Variants in NRG1 observed in about 807,000 individuals in gnomAD.
The protein encoded by NRG1 is neuregulin 1, also known as pro-neuregulin-1, membrane-bound isoform.
In NRG1, 18 loss-of-function variants were observed where a neutral mutation model predicts 63.8. The ratio of observed to expected loss-of-function variants is 0.28; its 90% CI spans 0.19 to 0.42. NRG1 has a LOEUF of 0.42. Ranked by LOEUF, NRG1 falls within the 10% of genes least tolerant of loss-of-function variation. NRG1 has a pLI of 1.00. For synonymous variants in NRG1, 302 were observed against 301.3 expected, an observed-to-expected ratio of 1.00 and a Z score of -0.02; for missense variants, 762 against 814.7, an observed-to-expected ratio of 0.94 and a Z score of 0.79.
intron 1 of NRG1, among the ~76,000 whole-genome samples, chr8:32,553,220 T>A (rs1834482179): frequency 6.6e-6 from 1 of 152,158 alleles, no homozygotes; most frequent in Non-Finnish European, 1.5e-5. Flanking sequence ...GAGGGTTTCA[T>A]GAAGCTTAAA....
intron 1 of NRG1, among the ~76,000 whole-genome samples, chr8:32,194,297 T>C (rs1352795166): frequency 6.6e-6 from 1 of 152,174 alleles, no homozygotes; most frequent in Non-Finnish European, 1.5e-5. Context: ...CCACACATCA[T>C]CTGAACCGCG....
intron 1 of NRG1, among the ~76,000 whole-genome samples, chr8:32,235,714 A>G (rs1847477728): frequency 6.6e-6 from 1 of 152,132 alleles, no homozygotes; most frequent in Non-Finnish European, 1.5e-5. Flanking sequence ...GGTCACTCAG[A>G]TTTCGGTGCA....
chr8:31,948,890 C>G (rs1236609053), intron 1 of NRG1, among the ~76,000 whole-genome samples: 4 of 152,258 alleles, frequency 2.6e-5, no homozygotes, highest in Admixed American at 2.0e-4. Flanking sequence ...GACTTGGCCT[C>G]TCCTGGTTAA....
chr8:32,425,387 C>T (rs1817232372), intron 1 of NRG1, among the ~76,000 whole-genome samples: 1 of 152,052 alleles, frequency 6.6e-6, no homozygotes, highest in African/African-American at 2.4e-5. Context: ...AATGTGAAGA[C>T]CATCTGTAAG....
intron 1 of NRG1, among the ~76,000 whole-genome samples, chr8:31,867,094 CT>C (rs1181082114): frequency 2.0e-5 from 3 of 152,134 alleles, no homozygotes; most frequent in Non-Finnish European, 2.9e-5. Flanking sequence ...TTTACCTCTT[CT>C]TTTTTTCCTC....
chr8:31,972,667 C>T (rs1230193598), intron 1 of NRG1, among the ~76,000 whole-genome samples: 2 of 152,122 alleles, frequency 1.3e-5, no homozygotes, highest in Non-Finnish European at 2.9e-5. Context: ...TTTACAAACC[C>T]CTGGAGCAGG....
intron 5 of NRG1, among the ~76,000 whole-genome samples, chr8:32,656,847 T>C (rs988934421): frequency 2.5e-5 from 3 of 119,860 alleles, no homozygotes; most frequent in African/African-American, 9.5e-5. Flanking sequence ...AATGGAAAGC[T>C]TCCTCAGGTA....
chr8:32,449,813 TC>T (rs1346730291), intron 1 of NRG1, among the ~76,000 whole-genome samples: 2 of 152,216 alleles, frequency 1.3e-5, no homozygotes, highest in Non-Finnish European at 2.9e-5. Flanking sequence ...ATGCATATAT[TC>T]AGCTAAATCT....
intron 1 of NRG1, among the ~76,000 whole-genome samples, chr8:32,129,593 G>A (rs575283333): frequency 1.3e-5 from 2 of 152,012 alleles, no homozygotes; most frequent in South Asian, 4.1e-4. Flanking sequence ...TACATTCACA[G>A]ATACTGGAGG....
At chr8:32,370,393 A>G (rs561566923) in intron 1 of NRG1, among the ~76,000 whole-genome samples, 1 of 152,328 alleles carries the variant, frequency 6.6e-6, no homozygotes, top group African/African-American at 2.4e-5. Context: ...GATATTTTGC[A>G]GAGCTGAGAG....
chr8:31,972,073 T>A (rs1382048830), intron 1 of NRG1, among the ~76,000 whole-genome samples: 1 of 152,188 alleles, frequency 6.6e-6, no homozygotes, highest in African/African-American at 2.4e-5. Context: ...AGGGTGGCTA[T>A]CTGGCAGCTT....
At chr8:31,674,387 G>C (rs536852023) in intron 1 of NRG1, among the ~76,000 whole-genome samples, 47 of 152,052 alleles carry the variant, frequency 3.1e-4, no homozygotes, top group Non-Finnish European at 4.4e-4. Context: ...CTACATCCTT[G>C]CCAATACTTA....
At chr8:32,312,873 G>A (rs1031073557) in intron 1 of NRG1, among the ~76,000 whole-genome samples, 5 of 151,296 alleles carry the variant, frequency 3.3e-5, no homozygotes, top group African/African-American at 4.9e-5. Flanking sequence ...AATATATTTA[G>A]CTGGGCATAG....
intron 1 of NRG1, among the ~76,000 whole-genome samples, chr8:32,344,517 G>A (rs140380126): frequency 7.5e-5 from 11 of 147,056 alleles, no homozygotes; most frequent in African/African-American, 2.3e-4. Context: ...CTGCAGCCCC[G>A]ACTTCACAAG....
intron 1 of NRG1, among the ~76,000 whole-genome samples, chr8:32,058,866 A>T (rs1005945226): frequency 2.0e-5 from 3 of 151,918 alleles, no homozygotes; most frequent in South Asian, 4.1e-4. Context: ...GCTTTCCCCA[A>T]CTTCTTCTCA....
chr8:32,512,003 G>T lies in NRG1; in HGVS notation c.38-83825G>T, dbSNP rs571200616. On this transcript the variant is annotated intron_variant, in intron 1 of 10. Coordinates refer to the NRG1 transcript ENST00000519301. The stretch of plus-strand genomic sequence containing the variant: ...CTGGTCTCTTTCCTGCCCAGCACAT[G>T]CCAGGTAGGAGGCTATAATGTGATC... Among the ~76,000 whole-genome samples the T allele has an allele frequency of 6.6e-5, 10 of 152,210 alleles. No individual in the cohort carries two copies. The East Asian group carries it at 1.9e-3, about 30-fold the overall frequency.
chr8:32,548,905 C>T (rs1461332200), intron 1 of NRG1, 79 bp downstream of exon 1: 4 of 1,459,646 alleles, frequency 2.7e-6, no homozygotes, highest in Admixed American at 2.3e-5. Context: ...ATGCCGTGGC[C>T]TCTCCCTCCC....
At chr8:32,673,379 T>G (rs1173719250) in intron 5 of NRG1, among the ~76,000 whole-genome samples, 1 of 152,236 alleles carries the variant, frequency 6.6e-6, no homozygotes, top group Non-Finnish European at 1.5e-5. Flanking sequence ...GAACCTCATA[T>G]TCAAAAGCCT....
At chr8:31,929,416 C>T (rs1191609296) in intron 1 of NRG1, among the ~76,000 whole-genome samples, 1 of 151,870 alleles carries the variant, frequency 6.6e-6, no homozygotes, top group Non-Finnish European at 1.5e-5. Context: ...AGTGCTTTAA[C>T]ATTTTTTACT....
Sources: gnomAD v4.1 joint callset for allele counts (sites outside exome capture counted in the v4.1 genomes callset) on GRCh38, gnomAD v4.1.1 for gene constraint, MANE v1.5 for transcripts, NCBI Gene and HGNC (gene_info 2026-07-23, HGNC 2026-07-21) for gene names.